The following SBSPON variants were observed in gnomAD, a reference collection of about 807,000 sequenced individuals.
The protein encoded by SBSPON is somatomedin-B and thrombospondin type-1 domain-containing protein.
A neutral mutation model predicts 35.8 loss-of-function variants in SBSPON; 30 were observed. The observed-to-expected ratio is 0.84, with a 90% CI of 0.63 to 1.14. The LOEUF (loss-of-function observed/expected upper bound fraction) is 1.14. Among genes scored for constraint, SBSPON ranks in the 50% most tolerant of loss-of-function variants. The probability of loss-of-function intolerance (pLI) is 0.00; values close to 1 mark genes in which losing one functional copy is unlikely to be tolerated. For missense variants in SBSPON, 364 were observed against 357.7 expected (o/e 1.02, Z -0.14); for synonymous variants, 136 against 135.9 (o/e 1.00, Z 0.00).
intron 1 of SBSPON, among the ~76,000 whole-genome samples, chr8:73,084,325 G>C (rs1035249777): frequency 2.0e-5 from 3 of 152,198 alleles, no homozygotes; most frequent in Non-Finnish European, 4.4e-5. Context: ...AGTCCTAATG[G>C]AGATAGCCAG....
intron 2 of SBSPON, chr8:73,075,842 A>ATC: frequency 2.1e-6 from 1 of 487,612 alleles, no homozygotes; most frequent in Non-Finnish European, 2.7e-6. Context: ...TTTAGGAGGA[A>ATC]AACACATATA....
chr8:73,085,501 T>G (rs953568500), intron 1 of SBSPON: 1 of 151,782 alleles, frequency 6.6e-6, no homozygotes, highest in African/African-American at 2.4e-5. Flanking sequence ...CCACTCATGG[T>G]TTGGGGAGGT....
Position 73,070,387 on chromosome 8 carries a change from C to T in SBSPON, c.501-406G>A, listed in dbSNP as rs555687647. ...CAAGCACTTGCTTGAGCCTGAGAACCCTAAAAATGTGAGCCCAGGAGGGCT... is the reference window on the plus strand; with the variant it reads ...CAAGCACTTGCTTGAGCCTGAGAACTCTAAAAATGTGAGCCCAGGAGGGCT... On this transcript the variant is annotated intron_variant, in intron 3 of 4. Transcript: ENST00000297354. Among the ~76,000 whole-genome samples the T allele has an allele frequency of 2.0e-5, 3 of 152,250 alleles. No homozygotes were observed. In the South Asian group the frequency reaches 6.2e-4, roughly 32 times the overall value.
intron 3 of SBSPON, among the ~76,000 whole-genome samples, chr8:73,071,470 A>T (rs1810490948): frequency 6.6e-6 from 1 of 152,222 alleles, no homozygotes; most frequent in Non-Finnish European, 1.5e-5. Flanking sequence ...CTGAAGTCTA[A>T]CGTCCCATAA....
Position 73,093,020 on chromosome 8 carries a change from G to C in SBSPON, c.48C>G (p.Pro16=), listed in dbSNP as rs1240291771. ...MALCALSRLW[P]GAQAGCAEAG... is the part of the protein sequence containing the mutation. ...CCTCGGCGCAGCCGGCCTGGGCCCC[G>C]GGCCACAGCCGCGACAGCGCGCACA... Residue 16 remains proline (P), a synonymous_variant, in exon 1 of 5, where the codon CCC becomes CCG. Transcript: ENST00000297354. 7.1e-7 allele frequency: 1 copy of C among 1,409,690 alleles called. No homozygotes were observed. The highest frequency in any genetic ancestry group is 3.0e-5 in the East Asian group (1 of 32,882). 87.3% of individuals were successfully genotyped at this position (1,409,690 alleles called of 1,614,324 possible).
At chr8:73,084,372 C>A (rs1195576204) in intron 1 of SBSPON, among the ~76,000 whole-genome samples, 1 of 152,224 alleles carries the variant, frequency 6.6e-6, no homozygotes, top group Non-Finnish European at 1.5e-5. Context: ...AGATGTATCA[C>A]TAATTTTTTA....
intron 1 of SBSPON, among the ~76,000 whole-genome samples, chr8:73,082,142 C>T (rs938711412): frequency 4.6e-5 from 7 of 152,188 alleles, no homozygotes; most frequent in African/African-American, 1.4e-4. Flanking sequence ...TTTAAAAATG[C>T]AATTTCCTCA....
intron 1 of SBSPON, among the ~76,000 whole-genome samples, chr8:73,088,409 A>C (rs554123648): frequency 6.6e-6 from 1 of 152,280 alleles, no homozygotes; most frequent in South Asian, 2.1e-4. Flanking sequence ...AGGGCCAGGC[A>C]CCCTGGCTCA....
rs768094773 is a variant in SBSPON at position 73,092,957 on chromosome 8, G to A, written c.111C>T (p.Phe37=). Residue 37 remains phenylalanine (F), a synonymous_variant, in exon 1 of 5, where the codon TTC becomes TTT. Transcript: ENST00000297354. ...CCCTGTCCAGCCTCCAGCCGCGGGCGAAGCAGGCGGGGTCCCGGCCGGGAC... is the reference window on the plus strand; with the variant it reads ...CCCTGTCCAGCCTCCAGCCGCGGGCAAAGCAGGCGGGGTCCCGGCCGGGAC... ...RCCPGRDPAC[F]ARGWRLDRVY... 5.6e-6 allele frequency: 9 copies of A among 1,602,020 alleles called. No homozygotes were observed. In the East Asian group the frequency reaches 9.2e-5, roughly 16 times the overall value.
chr8:73,088,943 A>G (rs1332676167), intron 1 of SBSPON, among the ~76,000 whole-genome samples: 1 of 152,190 alleles, frequency 6.6e-6, no homozygotes, highest in Non-Finnish European at 1.5e-5. Flanking sequence ...AGTATAGGTC[A>G]CCAGGTTCTT....
chr8:73,089,721 G>A (rs1810896764), intron 1 of SBSPON, among the ~76,000 whole-genome samples: 2 of 152,184 alleles, frequency 1.3e-5, no homozygotes, highest in South Asian at 4.1e-4. Flanking sequence ...TTAATCAAAT[G>A]AAATATTCTC....
intron 3 of SBSPON, among the ~76,000 whole-genome samples, chr8:73,070,959 G>T (rs1810483799): frequency 6.6e-6 from 1 of 152,202 alleles, no homozygotes; most frequent in South Asian, 2.1e-4. Flanking sequence ...ATTGAGGTAA[G>T]AAATCCTACA....
Position 73,065,199 on chromosome 8 carries a change from G to A in SBSPON, c.*2142C>T, listed in dbSNP as rs1810364277. On this transcript the variant is annotated 3_prime_UTR_variant, in exon 5 of 5. Coordinates refer to ENST00000297354, the MANE Select transcript of SBSPON (RefSeq NM_153225.4). ...TAACTTCAATAAGAAAGCAATTACTGGTCATCCACCAAAAATTAAATGCAT... is the reference window on the plus strand; with the variant it reads ...TAACTTCAATAAGAAAGCAATTACTAGTCATCCACCAAAAATTAAATGCAT... 1 of 151,908 alleles carries A rather than the reference G, an allele frequency of 6.6e-6. No individual in the cohort carries two copies. The highest frequency in any genetic ancestry group is 2.4e-5 in the African/African-American group (1 of 41,354). 9.4% of individuals were successfully genotyped at this position (151,908 alleles called of 1,614,324 possible).
intron 3 of SBSPON, among the ~76,000 whole-genome samples, chr8:73,070,361 A>G (rs1810471548): frequency 6.6e-6 from 1 of 152,196 alleles, no homozygotes. Flanking sequence ...TATAAATTGA[A>G]CAAGCACTTG....
intron 4 of SBSPON, 131 bp from the exon 5 acceptor site, chr8:73,067,589 C>CTCTATATATATATATA (rs1810413745): frequency 9.7e-6 from 1 of 103,200 alleles, no homozygotes; most frequent in East Asian, 8.7e-5. Context: ...CCCGTCTCTA[C>CTCTATATATATATATA]TATATATATA....
intron 1 of SBSPON, among the ~76,000 whole-genome samples, chr8:73,088,738 G>A (rs1211718087): frequency 6.6e-6 from 1 of 152,138 alleles, no homozygotes; most frequent in Non-Finnish European, 1.5e-5. Context: ...GGTTCTATGA[G>A]TATAGAGTAA....
intron 1 of SBSPON, among the ~76,000 whole-genome samples, chr8:73,088,131 T>G (rs1219245101): frequency 2.0e-5 from 3 of 152,244 alleles, no homozygotes; most frequent in Non-Finnish European, 4.4e-5. Context: ...TTTGACAGTT[T>G]AGTAATTGTA....
At chr8:73,091,932 C>T (rs1244290103) in intron 1 of SBSPON, among the ~76,000 whole-genome samples, 1 of 152,184 alleles carries the variant, frequency 6.6e-6, no homozygotes, top group Non-Finnish European at 1.5e-5. Flanking sequence ...TGTCGGGATC[C>T]TTCAGCTCGA....
chr8:73,080,890 G>T, intron 2 of SBSPON, 129 bp downstream of exon 2: 2 of 706,692 alleles, frequency 2.8e-6, no homozygotes, highest in Non-Finnish European at 4.4e-6. Context: ...TCTACTTTGG[G>T]CAGCCTGGCC....
Sources: gnomAD v4.1 joint callset for allele counts (sites outside exome capture counted in the v4.1 genomes callset) on GRCh38, gnomAD v4.1.1 for gene constraint, MANE v1.5 for transcripts, NCBI Gene and HGNC (gene_info 2026-07-23, HGNC 2026-07-21) for gene names.